NFATC1: variants seen among roughly 807,000 people sequenced by gnomAD.
NFATC1 encodes the protein nuclear factor of activated T cells 1.
A neutral mutation model predicts 76.0 loss-of-function variants in NFATC1; 22 were observed. The ratio of observed to expected loss-of-function variants is 0.29; its 90% CI spans 0.21 to 0.41. The LOEUF is 0.41. Ranked by LOEUF, NFATC1 falls within the 10% of genes least tolerant of loss-of-function variation. The probability of loss-of-function intolerance (pLI) is 1.00; values close to 1 mark genes in which losing one functional copy is unlikely to be tolerated. For synonymous variants in NFATC1, 704 were observed against 613.1 expected (o/e 1.15, Z -2.19); for missense variants, 1,357 against 1,337.7 (o/e 1.01, Z -0.23).
rs59510684 is a variant in NFATC1, at chr18:79,469,759, G to A, written c.2092+2177G>A. The A allele has an allele frequency of 0.017, 16,788 of 985,444 alleles. 2,087 individuals are homozygous for A. The African/African-American group carries it at 0.27, about 16-fold the overall frequency. The allele number at this position is 985,444 out of a possible 1,614,324, so 61.0% of individuals were successfully genotyped here. Reference sequence around the variant, plus strand: ...CTCCGTCGTCTCTTCTCTCCTGGACGTAGCACCATAGTCCCTGGGTGACCA... The same window carrying A: ...CTCCGTCGTCTCTTCTCTCCTGGACATAGCACCATAGTCCCTGGGTGACCA... On this transcript the variant is annotated intron_variant, in intron 8 of 9. Coordinates refer to ENST00000427363, the MANE Select transcript of NFATC1 (RefSeq NM_001278669.2).
At chr18:79,522,823 G>C (rs1332088098) in intron 9 of NFATC1, among the ~76,000 whole-genome samples, 1 of 152,212 alleles carries the variant, frequency 6.6e-6, no homozygotes, top group Non-Finnish European at 1.5e-5. Context: ...GCACCAGCCA[G>C]TAGGCCCATC....
At chr18:79,436,899 C>T (rs1260029759) in intron 3 of NFATC1, among the ~76,000 whole-genome samples, 1 of 152,186 alleles carries the variant, frequency 6.6e-6, no homozygotes, top group Admixed American at 6.5e-5. Context: ...ATTGTTCCCA[C>T]GCCGGGGAGA....
intron 1 of NFATC1, among the ~76,000 whole-genome samples, chr18:79,408,181 GA>G (rs1368328699): frequency 1.3e-5 from 2 of 152,190 alleles, no homozygotes; most frequent in Non-Finnish European, 2.9e-5. Flanking sequence ...TGAGACCCTA[GA>G]TTTTTTTGGC....
chr18:79,485,179 G>A (rs2089458504), intron 8 of NFATC1, among the ~76,000 whole-genome samples: 1 of 152,176 alleles, frequency 6.6e-6, no homozygotes, highest in Non-Finnish European at 1.5e-5. Context: ...CCCTGTGGCC[G>A]ACCCTGCTGC....
intron 2 of NFATC1, among the ~76,000 whole-genome samples, chr18:79,426,164 G>C (rs2144610587): frequency 6.6e-6 from 1 of 152,252 alleles, no homozygotes; most frequent in Non-Finnish European, 1.5e-5. Flanking sequence ...GACAGAGCGA[G>C]ACCCTGTCTC....
chr18:79,512,351 C>T (rs2090275337), intron 9 of NFATC1, among the ~76,000 whole-genome samples: 1 of 152,216 alleles, frequency 6.6e-6, no homozygotes, highest in South Asian at 2.1e-4. Flanking sequence ...TCTCCCACCA[C>T]GTGGAGTTTA....
At chr18:79,415,009 C>T (rs911630878) in intron 2 of NFATC1, among the ~76,000 whole-genome samples, 29 of 152,184 alleles carry the variant, frequency 1.9e-4, no homozygotes, top group Non-Finnish European at 4.0e-4. Flanking sequence ...TTCCTCATTC[C>T]TTCATCGTTC....
intron 9 of NFATC1, among the ~76,000 whole-genome samples, chr18:79,490,549 G>T (rs561724690): frequency 1.3e-5 from 2 of 152,264 alleles, no homozygotes; most frequent in Admixed American, 1.3e-4. Context: ...GGTTCCTCCT[G>T]AGCACCTGGG....
chr18:79,412,797 A>G (rs568273920), intron 2 of NFATC1, among the ~76,000 whole-genome samples: 1 of 152,284 alleles, frequency 6.6e-6, no homozygotes, highest in Non-Finnish European at 1.5e-5. Flanking sequence ...GATACTTAGA[A>G]TCGTCGTCAG....
At position 79,486,718 on chromosome 18, in the gene NFATC1, ACCCAAGAGCCGACCTGCCTGCAG is replaced by A. The variant is rs879686773; in HGVS notation, c.2567_2589del (p.Gln856LeufsTer37). The A allele has an allele frequency of 1.3e-5, 21 of 1,597,278 alleles. No homozygotes were observed. The highest frequency in any genetic ancestry group is 1.8e-5 in the Non-Finnish European group (21 of 1,174,518). ...CCCCTCTCCTCCACTCCCGCCTGCC[ACCCAAGAGCCGACCTGCCTGCAG>A]CCCTGCAGCCCAGCGTGCCCGCCCG... is the stretch of plus-strand genomic sequence containing the variant. On this transcript the variant is annotated frameshift_variant, in exon 9 of 10. Coordinates refer to ENST00000427363, the MANE Select transcript of NFATC1 (RefSeq NM_001278669.2). LOFTEE classifies it high-confidence loss of function.
intron 1 of NFATC1, among the ~76,000 whole-genome samples, chr18:79,406,560 C>T (rs771478161): frequency 8.5e-5 from 13 of 152,170 alleles, no homozygotes; most frequent in African/African-American, 1.4e-4. Flanking sequence ...CTCCAACAGG[C>T]GAGAGGGCTT....
At chr18:79,514,358 C>T (rs838054) in intron 9 of NFATC1, among the ~76,000 whole-genome samples, 151,402 of 152,008 alleles carry the variant, frequency 1, 75,402 homozygotes, top group East Asian at 1. Context: ...GAAGATCACA[C>T]GAGCCCAGGA....
intron 9 of NFATC1, among the ~76,000 whole-genome samples, chr18:79,500,654 A>G (rs1385067397): frequency 6.6e-6 from 1 of 152,292 alleles, no homozygotes; most frequent in Non-Finnish European, 1.5e-5. Flanking sequence ...AAGAAAAATT[A>G]GGAATGAAAG....
chr18:79,433,506 T>G, intron 2 of NFATC1, 73 bp from the exon 3 acceptor site: 1 of 1,580,264 alleles, frequency 6.3e-7, no homozygotes, highest in Non-Finnish European at 8.7e-7. Flanking sequence ...TGGCGACGGG[T>G]GAGCACGGGC....
At position 79,529,164 on chromosome 18, in the gene NFATC1, C is replaced by A. The variant is rs952622315; in HGVS notation, c.*1587C>A. 1 of 152,270 alleles carries A rather than the reference C, an allele frequency of 6.6e-6. No homozygotes were observed. The highest frequency in any genetic ancestry group is 2.4e-5 in the African/African-American group (1 of 41,464). 9.4% of individuals were successfully genotyped at this position (152,270 alleles called of 1,614,324 possible). On this transcript the variant is annotated 3_prime_UTR_variant, in exon 10 of 10. Coordinates refer to ENST00000427363, the MANE Select transcript of NFATC1 (RefSeq NM_001278669.2). Reference sequence around the variant, plus strand: ...TGCACGTAACCGTGAAGACGTGTGGCCGCGTCCCACCTGCGGCTGGGTACC... The same window carrying A: ...TGCACGTAACCGTGAAGACGTGTGGACGCGTCCCACCTGCGGCTGGGTACC...
At position 79,411,534 on chromosome 18, in the gene NFATC1, C is replaced by T. The variant is rs565127643; in HGVS notation, c.1226+33C>T. On this transcript the variant is annotated intron_variant, in intron 2 of 9. Coordinates refer to ENST00000427363, the MANE Select transcript of NFATC1 (RefSeq NM_001278669.2). ...GGCAGCGCGGGGCGGGACGGGGAGGCGAGGGGAGGCGCGGGGCGGGGCGGA... is the reference window on the plus strand; with the variant it reads ...GGCAGCGCGGGGCGGGACGGGGAGGTGAGGGGAGGCGCGGGGCGGGGCGGA... 1.6e-5 allele frequency: 22 copies of T among 1,354,438 alleles called. No individual in the cohort carries two copies. In the African/African-American group the frequency reaches 1.8e-4, roughly 11 times the overall value. 83.9% of individuals were successfully genotyped at this position (1,354,438 alleles called of 1,614,324 possible).
At chr18:79,478,735 A>T (rs2089171411) in intron 8 of NFATC1, among the ~76,000 whole-genome samples, 1 of 152,152 alleles carries the variant, frequency 6.6e-6, no homozygotes, top group Admixed American at 6.5e-5. Flanking sequence ...GGGCCTGGAA[A>T]CGTCGTGCTC....
intron 6 of NFATC1, among the ~76,000 whole-genome samples, chr18:79,456,872 G>A (rs763990914): frequency 5.9e-4 from 90 of 152,226 alleles, no homozygotes; most frequent in Non-Finnish European, 1.2e-3. Flanking sequence ...GGAATTCCCA[G>A]CTCCAGCGTC....
chr18:79,396,127 C>T lies in NFATC1; in HGVS notation c.-98C>T. On this transcript the variant is annotated 5_prime_UTR_variant, in exon 1 of 10. Coordinates refer to ENST00000427363, the MANE Select transcript of NFATC1 (RefSeq NM_001278669.2). ...GGGGCGCGCGGCGCTGAGCCCGGGG[C>T]GAGGGCTGTCTTCCCGGAGACCCGA... 5 of 1,246,052 alleles carry T rather than the reference C, an allele frequency of 4.0e-6. No individual in the cohort carries two copies. Among genetic ancestry groups the T allele is most frequent in the Middle Eastern group, 3.3e-4 (1 of 3,022 alleles). The allele number at this position is 1,246,052 out of a possible 1,614,324, so 77.2% of individuals were successfully genotyped here. A position where few individuals can be genotyped will look rare whatever the true frequency, so the allele number is the denominator to read the frequency against.
Sources: allele counts gnomAD v4.1 joint callset (sites outside exome capture counted in the v4.1 genomes callset), GRCh38; gene constraint gnomAD v4.1.1; transcripts MANE v1.5; gene names NCBI Gene and HGNC (gene_info 2026-07-23, HGNC 2026-07-21).